MYRIP: variants seen among roughly 807,000 people sequenced by gnomAD.
MYRIP encodes rab effector MyRIP.
In MYRIP, 49 loss-of-function variants were observed where a neutral mutation model predicts 98.0. The ratio of observed to expected loss-of-function variants is 0.50; its 90% CI spans 0.40 to 0.63. The LOEUF (loss-of-function observed/expected upper bound fraction) is 0.63, where lower values mean the gene tolerates loss of function less well. Ranked by LOEUF, MYRIP falls within the 30% of genes least tolerant of loss-of-function variation. MYRIP has a pLI of 0.00. For missense variants in MYRIP, 1,004 were observed against 1,058.2 expected (o/e 0.95, Z 0.71); for synonymous variants, 404 against 409.5 (o/e 0.99, Z 0.16).
intron 2 of MYRIP, among the ~76,000 whole-genome samples, chr3:40,038,949 G>A (rs1947444866): frequency 6.6e-6 from 1 of 152,116 alleles, no homozygotes. Flanking sequence ...GGGGACATAT[G>A]GGAATCTGGA....
chr3:39,935,633 C>T (rs1944638619), intron 2 of MYRIP, among the ~76,000 whole-genome samples: 1 of 152,074 alleles, frequency 6.6e-6, no homozygotes, highest in African/African-American at 2.4e-5. Flanking sequence ...TCAGTAGAAA[C>T]ATCATGAAAA....
At chr3:40,254,862 C>T (rs1314712227) in intron 16 of MYRIP, among the ~76,000 whole-genome samples, 1 of 152,188 alleles carries the variant, frequency 6.6e-6, no homozygotes, top group Non-Finnish European at 1.5e-5. Context: ...AAGCGGAGGG[C>T]AGATCATGTC....
chr3:39,998,516 A>G (rs148005298), intron 2 of MYRIP, among the ~76,000 whole-genome samples: 15,368 of 152,230 alleles, frequency 0.1, 1,353 homozygotes, highest in African/African-American at 0.23. Context: ...CCACTGCTCA[A>G]TGAAATAAAG....
intron 2 of MYRIP, among the ~76,000 whole-genome samples, chr3:40,027,201 G>T (rs1041435419): frequency 1.3e-5 from 2 of 148,294 alleles, no homozygotes; most frequent in Non-Finnish European, 2.9e-5. Flanking sequence ...AATCTGGTTT[G>T]CCCTCTCTCC....
At chr3:40,050,765 G>A (rs1451368573) in intron 3 of MYRIP, among the ~76,000 whole-genome samples, 1 of 152,158 alleles carries the variant, frequency 6.6e-6, no homozygotes, top group Non-Finnish European at 1.5e-5. Flanking sequence ...TTTGTGATTT[G>A]TGAGAAGAGG....
intron 2 of MYRIP, among the ~76,000 whole-genome samples, chr3:39,920,532 T>C (rs1021482270): frequency 6.6e-6 from 1 of 151,772 alleles, no homozygotes; most frequent in East Asian, 1.9e-4. Context: ...TTTAGGGAGG[T>C]TTTTTCATAC....
intron 12 of MYRIP, among the ~76,000 whole-genome samples, chr3:40,238,946 G>T (rs1044262557): frequency 6.6e-6 from 1 of 151,716 alleles, no homozygotes; most frequent in African/African-American, 2.4e-5. Flanking sequence ...TAGGGTACAT[G>T]TGCACAATGT....
intron 2 of MYRIP, among the ~76,000 whole-genome samples, chr3:39,906,660 C>A: frequency 6.6e-6 from 1 of 152,170 alleles, no homozygotes; most frequent in South Asian, 2.1e-4. Flanking sequence ...AAAAAATAAC[C>A]GGGCACCTAT....
chr3:40,116,218 C>T (rs924657136), intron 3 of MYRIP, among the ~76,000 whole-genome samples: 26 of 152,302 alleles, frequency 1.7e-4, no homozygotes, highest in Admixed American at 1.5e-3. Context: ...CTGGTATCCC[C>T]TAGCACTTTA....
At chr3:40,222,094 C>T (rs1272954320) in intron 11 of MYRIP, among the ~76,000 whole-genome samples, 1 of 152,198 alleles carries the variant, frequency 6.6e-6, no homozygotes, top group African/African-American at 2.4e-5. Context: ...TAAACAGAAA[C>T]TATAATCGAA....
chr3:40,134,747 A>G (rs540251744), intron 3 of MYRIP, among the ~76,000 whole-genome samples: 1 of 152,334 alleles, frequency 6.6e-6, no homozygotes, highest in East Asian at 1.9e-4. Flanking sequence ...TTCTGCAGCC[A>G]CCGCTGCTGA....
At chr3:39,870,527 T>C (rs559450798) in intron 1 of MYRIP, among the ~76,000 whole-genome samples, 6 of 148,846 alleles carry the variant, frequency 4.0e-5, no homozygotes, top group Admixed American at 4.0e-4. Flanking sequence ...GTCTTTTTTC[T>C]TTTTTTTTGG....
At chr3:39,951,506 C>T (rs1945015030) in intron 2 of MYRIP, among the ~76,000 whole-genome samples, 1 of 152,062 alleles carries the variant, frequency 6.6e-6, no homozygotes, top group Non-Finnish European at 1.5e-5. Flanking sequence ...ATCATAAGCT[C>T]TCTGTTGGAA....
intron 1 of MYRIP, among the ~76,000 whole-genome samples, chr3:39,824,008 A>G (rs1046884850): frequency 1.3e-4 from 20 of 151,992 alleles, no homozygotes; most frequent in Non-Finnish European, 2.5e-4. Context: ...TAGATCTTTA[A>G]TCCATTTTGA....
At chr3:40,012,824 C>G (rs961948863) in intron 2 of MYRIP, among the ~76,000 whole-genome samples, 1 of 152,190 alleles carries the variant, frequency 6.6e-6, no homozygotes, top group Non-Finnish European at 1.5e-5. Flanking sequence ...CCACTGACTT[C>G]CCTGGGGTTC....
chr3:40,120,937 TC>T (rs1382162389), intron 3 of MYRIP, among the ~76,000 whole-genome samples: 1 of 152,050 alleles, frequency 6.6e-6, no homozygotes, highest in Non-Finnish European at 1.5e-5. Flanking sequence ...CATTCCCCCA[TC>T]CCCCAGTCCT....
intron 2 of MYRIP, among the ~76,000 whole-genome samples, chr3:39,937,456 A>T (rs1944678944): frequency 6.6e-6 from 1 of 152,190 alleles, no homozygotes; most frequent in Non-Finnish European, 1.5e-5. Flanking sequence ...ATGGGTGCAG[A>T]CACAGTCCTG....
intron 2 of MYRIP, among the ~76,000 whole-genome samples, chr3:39,955,991 A>C (rs552123549): frequency 4.6e-5 from 7 of 152,220 alleles, no homozygotes; most frequent in Non-Finnish European, 8.8e-5. Context: ...TCCTAAATAT[A>C]TATGCACCCA....
chr3:39,984,383 C>G (rs1048127103), intron 2 of MYRIP, among the ~76,000 whole-genome samples: 1 of 152,178 alleles, frequency 6.6e-6, no homozygotes, highest in East Asian at 1.9e-4. Context: ...GCCCTCCCCC[C>G]ATCCCACAAC....
Sources: gnomAD v4.1 joint callset for allele counts (sites outside exome capture counted in the v4.1 genomes callset) on GRCh38, gnomAD v4.1.1 for gene constraint, MANE v1.5 for transcripts, NCBI Gene and HGNC (gene_info 2026-07-23, HGNC 2026-07-21) for gene names.